HNRNPR: variants seen among roughly 807,000 people sequenced by gnomAD.
HNRNPR encodes the protein heterogeneous nuclear ribonucleoprotein R.
HNRNPR carries 4 observed loss-of-function variants against 70.3 expected under a neutral mutation model. The observed-to-expected ratio is 0.06, with a 90% CI of 0.03 to 0.13. The LOEUF is 0.13. Among genes scored for constraint, HNRNPR ranks in the 10% least tolerant of loss-of-function variants. HNRNPR has a pLI of 1.00. For missense variants in HNRNPR, 423 were observed against 788.5 expected (o/e 0.54, Z 5.55); for synonymous variants, 241 against 267.6 (o/e 0.90, Z 0.97).
intron 2 of HNRNPR, among the ~76,000 whole-genome samples, chr1:23,339,954 C>T (rs1557945872): frequency 6.6e-6 from 1 of 151,856 alleles, no homozygotes; most frequent in Non-Finnish European, 1.5e-5. Context: ...CAAATGCGAC[C>T]ATGACCCAGG....
At chr1:23,339,789 A>G (rs542225978) in intron 2 of HNRNPR, among the ~76,000 whole-genome samples, 1 of 152,266 alleles carries the variant, frequency 6.6e-6, no homozygotes, top group African/African-American at 2.4e-5. Context: ...GCCACAACTC[A>G]GGACACCCAT....
intron 1 of HNRNPR, among the ~76,000 whole-genome samples, chr1:23,343,409 A>G (rs934109522): frequency 1.3e-5 from 2 of 152,210 alleles, no homozygotes; most frequent in Non-Finnish European, 2.9e-5. Context: ...ACATCAATTC[A>G]GCCACTTGAG....
In HNRNPR at chr1:23,307,702, T is replaced by C. The variant is rs1645223503; in HGVS notation, c.*2752A>G. The C allele has an allele frequency of 6.6e-6, 1 of 152,042 alleles. No homozygotes were observed. Among genetic ancestry groups the C allele is most frequent in the South Asian group, 2.1e-4 (1 of 4,834 alleles). The allele number at this position is 152,042 out of a possible 1,614,324, so 9.4% of individuals were successfully genotyped here. ...TATAAATGAGTGATCAAATAAAAAT[T>C]AGTATTCCATTATGGGGAGGGGCAT... On this transcript the variant is annotated 3_prime_UTR_variant, in exon 11 of 11. Coordinates refer to ENST00000302271, the MANE Select transcript of HNRNPR (RefSeq NM_005826.5).
intron 5 of HNRNPR, among the ~76,000 whole-genome samples, chr1:23,327,512 A>G (rs1202369204): frequency 1.3e-5 from 2 of 151,902 alleles, no homozygotes; most frequent in Admixed American, 1.3e-4. Context: ...ATATGGTGAA[A>G]CCCTGTCTGT....
At chr1:23,343,161 G>A (rs890130992) in intron 1 of HNRNPR, among the ~76,000 whole-genome samples, 1 of 152,042 alleles carries the variant, frequency 6.6e-6, no homozygotes, top group Non-Finnish European at 1.5e-5. Context: ...ATATACTAAC[G>A]TGACTGGAGT....
intron 1 of HNRNPR, among the ~76,000 whole-genome samples, 179 bp from the exon 2 acceptor site, chr1:23,341,196 C>T (rs1646692897): frequency 6.6e-6 from 1 of 152,010 alleles, no homozygotes; most frequent in African/African-American, 2.4e-5. Flanking sequence ...CCTGTAAAAC[C>T]ATAGAAAATG....
chr1:23,340,442 C>T (rs1478469030), intron 2 of HNRNPR, among the ~76,000 whole-genome samples: 1 of 152,166 alleles, frequency 6.6e-6, no homozygotes, highest in Non-Finnish European at 1.5e-5. Context: ...TCAGACGATA[C>T]AGCTATCCTC....
chr1:23,318,819 T>C lies in HNRNPR; in HGVS notation c.812-131A>G, dbSNP rs1056434696. 2.8e-6 allele frequency: 2 copies of C among 723,386 alleles called. No individual in the cohort carries two copies. Among genetic ancestry groups the C allele is most frequent in the Admixed American group, 5.1e-5 (2 of 39,116 alleles). The allele number at this position is 723,386 out of a possible 1,614,324, so 44.8% of individuals were successfully genotyped here. A position where few individuals can be genotyped will look rare whatever the true frequency, so the allele number is the denominator to read the frequency against. On this transcript the variant is annotated intron_variant, in intron 7 of 10. Transcript: ENST00000302271. The surrounding 1 kb of genome is among the most constrained non-coding windows in gnomAD (Gnocchi z 4.2). ...GCCTCAACATGAGTCACTAATTTTGTAGACAATTAGATCAACATAATTAGA... is the reference window on the plus strand; with the variant it reads ...GCCTCAACATGAGTCACTAATTTTGCAGACAATTAGATCAACATAATTAGA...
intron 8 of HNRNPR, among the ~76,000 whole-genome samples, chr1:23,317,637 T>C (rs1430974240): frequency 6.6e-6 from 1 of 152,074 alleles, no homozygotes; most frequent in South Asian, 2.1e-4. Context: ...AGAGCAAACA[T>C]GACAATCTTT....
At chr1:23,328,850 G>A (rs931405452) in intron 5 of HNRNPR, among the ~76,000 whole-genome samples, 1 of 152,112 alleles carries the variant, frequency 6.6e-6, no homozygotes, top group Non-Finnish European at 1.5e-5. Flanking sequence ...TGGGCATGGT[G>A]ACTCACACTT....
In HNRNPR at chr1:23,307,217, T is replaced by C. The variant is rs1257698009; in HGVS notation, c.*3237A>G. On this transcript the variant is annotated 3_prime_UTR_variant, in exon 11 of 11. Coordinates refer to ENST00000302271, the MANE Select transcript of HNRNPR (RefSeq NM_005826.5). The stretch of plus-strand genomic sequence containing the variant: ...TACTGGAAGGGTTTGGTTTTACAAA[T>C]GCACAATTAATAAAACGTAGGTATG... The C allele has an allele frequency of 1.3e-5, 2 of 152,116 alleles. No homozygotes were observed. The highest frequency in any genetic ancestry group is 6.5e-5 in the Admixed American group (1 of 15,268). The allele number at this position is 152,116 out of a possible 1,614,324, so 9.4% of individuals were successfully genotyped here. A position where few individuals can be genotyped will look rare whatever the true frequency, so the allele number is the denominator to read the frequency against.
In HNRNPR at chr1:23,313,662, G is replaced by T; in HGVS notation, c.1058C>A (p.Thr353Lys). Residue 353 changes from threonine (T) to lysine (K), a missense_variant, in exon 9 of 11, where the codon ACA becomes AAA. Thr to Lys is a moderately conservative substitution (Grantham distance 78, BLOSUM62 -1). Transcript: ENST00000302271. The part of the protein sequence containing the change: ...LFVRNLATTV[T>K]EEILEKSFSE... ...AAATGACTTTTCCAATATTTCTTCTGTCACCGTAGTAGCCAAGTTTCTCAC... is the reference window on the plus strand; with the variant it reads ...AAATGACTTTTCCAATATTTCTTCTTTCACCGTAGTAGCCAAGTTTCTCAC... 1 of 1,605,288 alleles carries T rather than the reference G, an allele frequency of 6.2e-7. No individual in the cohort carries two copies. Among genetic ancestry groups the T allele is most frequent in the Non-Finnish European group, 8.5e-7 (1 of 1,177,626 alleles).
rs1451450921 is a variant in HNRNPR, at chr1:23,310,753, G to T, written c.1603C>A (p.Pro535Thr). ...CTAGAGCCTCTTGGTGGTCCCAAAG[G>T]TGCCCCCCTCTGTGAATAGCCAGCT... ...GRAGYSQRGA[P>T]LGPPRGSRGG... Residue 535 changes from proline (P) to threonine (T), a missense_variant, in exon 11 of 11, where the codon CCT becomes ACT. By Grantham distance (38) the Pro-to-Thr change is conservative. Around this residue, in one of 7 missense-constraint regions of HNRNPR, gnomAD observed 169 missense variants for 195.6 expected, o/e 0.86. Transcript: ENST00000302271. This position sits in a 1 kb window ranked among gnomAD's most constrained non-coding sequence, Gnocchi z 6.0. 6.2e-7 allele frequency: 1 copy of T among 1,613,408 alleles called. No individual in the cohort carries two copies. Among genetic ancestry groups the T allele is most frequent in the Admixed American group, 1.7e-5 (1 of 59,958 alleles).
At chr1:23,340,065 AC>A (rs1485344911) in intron 2 of HNRNPR, among the ~76,000 whole-genome samples, 1 of 152,038 alleles carries the variant, frequency 6.6e-6, no homozygotes, top group Non-Finnish European at 1.5e-5. Context: ...ATTTGCTACT[AC>A]TGTACTTAAG....
At chr1:23,316,621 C>T (rs1333949922) in intron 8 of HNRNPR, among the ~76,000 whole-genome samples, 6 of 151,820 alleles carry the variant, frequency 4.0e-5, no homozygotes, top group Non-Finnish European at 4.4e-5. Flanking sequence ...AATATTTTTA[C>T]AGAAAAAGTA....
At chr1:23,324,119 C>T (rs2148392338) in intron 5 of HNRNPR, among the ~76,000 whole-genome samples, 1 of 149,152 alleles carries the variant, frequency 6.7e-6, no homozygotes, top group South Asian at 2.1e-4. Context: ...TCAAAACTAG[C>T]CTAGGCAACA....
chr1:23,309,738 T>TA lies in HNRNPR; in HGVS notation c.*715dup, dbSNP rs1484546970. Reference sequence around the variant, plus strand: ...TGAAAACAATATTCCTTGCAAGGATTACGAATAAAATAATGTTTTAGGACA... The same window carrying TA: ...TGAAAACAATATTCCTTGCAAGGATTAACGAATAAAATAATGTTTTAGGACA... On this transcript the variant is annotated 3_prime_UTR_variant, in exon 11 of 11. Transcript: ENST00000302271. 2.0e-5 allele frequency: 3 copies of TA among 152,608 alleles called. No homozygotes were observed. The highest frequency in any genetic ancestry group is 7.2e-5 in the African/African-American group (3 of 41,448). 9.5% of individuals were successfully genotyped at this position (152,608 alleles called of 1,614,324 possible). A position where few individuals can be genotyped will look rare whatever the true frequency, so the allele number is the denominator to read the frequency against.
At chr1:23,343,942 G>A (rs925565333) in intron 1 of HNRNPR, among the ~76,000 whole-genome samples, 12 of 152,126 alleles carry the variant, frequency 7.9e-5, no homozygotes, top group Middle Eastern at 3.2e-3. Context: ...AAGCACGGCC[G>A]GCCCCAGCAG....
At position 23,333,613 on chromosome 1, in the gene HNRNPR, C is replaced by G. The variant is rs1312145869; in HGVS notation, c.403G>C (p.Gly135Arg). The change falls in exon 5 of 11, where the codon GGT (glycine) becomes CGT (arginine). Residue 135 changes from glycine to arginine, a missense_variant. Gly to Arg is a moderately radical substitution (Grantham distance 125, BLOSUM62 -2). Coordinates refer to ENST00000302271, the MANE Select transcript of HNRNPR (RefSeq NM_005826.5). Reference protein sequence around the residue: ...AKIKALLERTGYTLDVTTGQR... With the variant: ...AKIKALLERTRYTLDVTTGQR... Reference sequence around the variant, plus strand: ...CCTGTGGTTACATCCAGAGTATAACCAGTTCTCTCAAGCAAGGCCTAGAGA... The same window carrying G: ...CCTGTGGTTACATCCAGAGTATAACGAGTTCTCTCAAGCAAGGCCTAGAGA... 6.2e-7 allele frequency: 1 copy of G among 1,609,104 alleles called. No homozygotes were observed. Among genetic ancestry groups the G allele is most frequent in the African/African-American group, 1.3e-5 (1 of 74,832 alleles).
Sources: allele counts gnomAD v4.1 joint callset (sites outside exome capture counted in the v4.1 genomes callset), GRCh38; gene constraint gnomAD v4.1.1; regional missense constraint gnomAD v4.1.1; non-coding constraint Gnocchi (gnomAD v3.1); transcripts MANE v1.5; gene names NCBI Gene and HGNC (gene_info 2026-07-23, HGNC 2026-07-21).